The following DNAH6 variants were observed in gnomAD, a reference collection of about 807,000 sequenced individuals.
The protein encoded by DNAH6 is axonemal beta dynein heavy chain 6.
Under a neutral mutation model 491.4 loss-of-function variants are expected in DNAH6, and 340 were observed. The observed-to-expected ratio is 0.69, with a 90% CI of 0.63 to 0.76. The LOEUF (loss-of-function observed/expected upper bound fraction) is 0.76. Ranked by LOEUF, DNAH6 falls within the 30% of genes least tolerant of loss-of-function variation. The pLI, the probability that DNAH6 is intolerant of heterozygous loss-of-function variation, is 0.00. For missense variants in DNAH6, 4,443 were observed against 4,972.2 expected, an observed-to-expected ratio of 0.89 and a Z score of 3.20; for synonymous variants, 1,603 against 1,686.1, an observed-to-expected ratio of 0.95 and a Z score of 1.21.
chr2:84,469,263 T>C, the DNAH6 span, among the ~76,000 whole-genome samples: 1 of 152,156 alleles, frequency 6.6e-6, no homozygotes, highest in Non-Finnish European at 1.5e-5. This position sits in a 1 kb window ranked among gnomAD's most constrained non-coding sequence, Gnocchi z 4.0. Context: ...TGGGTTCTCT[T>C]TCCCTGAGTG....
At position 84,672,390 on chromosome 2, in the gene DNAH6, G is replaced by T; in HGVS notation, c.6518G>T (p.Arg2173Leu). The T allele has an allele frequency of 6.4e-7, 1 of 1,551,614 alleles. No individual in the cohort carries two copies. Among genetic ancestry groups the T allele is most frequent in the Non-Finnish European group, 8.7e-7 (1 of 1,146,844 alleles). The change falls in exon 40 of 77, where the codon CGC becomes CTC. Residue 2173 changes from arginine (R) to leucine (L), a missense_variant. Physicochemically the swap from Arg to Leu is moderately radical, Grantham distance 102. Around this residue, in one of 3 missense-constraint regions of DNAH6, gnomAD observed 2,977 missense variants for 3,296.6 expected, o/e 0.90. Coordinates refer to ENST00000389394, the MANE Select transcript of DNAH6 (RefSeq NM_001370.2). ...VDDLNMPRLDRYGSQPPIELL... is the reference protein window; with the variant it reads ...VDDLNMPRLDLYGSQPPIELL... ...GATTTAAACATGCCCAGACTGGATC[G>T]CTATGGCTCTCAGCCTCCGATTGAA...
At chr2:84,801,660 G>A (rs1678928692) in intron 70 of DNAH6, among the ~76,000 whole-genome samples, 1 of 152,074 alleles carries the variant, frequency 6.6e-6, no homozygotes, top group South Asian at 2.1e-4. Context: ...GAGGCAAGTG[G>A]TTCGCCTCAG....
chr2:84,570,812 G>A (rs763958796), intron 11 of DNAH6, among the ~76,000 whole-genome samples: 4 of 152,118 alleles, frequency 2.6e-5, no homozygotes, highest in Non-Finnish European at 2.9e-5. Context: ...TTGTTCTTTC[G>A]CTCTTCTCAA....
At chr2:84,722,332 A>T (rs1312968592) in intron 59 of DNAH6, among the ~76,000 whole-genome samples, 1 of 152,110 alleles carries the variant, frequency 6.6e-6, no homozygotes, top group Non-Finnish European at 1.5e-5. Context: ...TGGTGTTTGC[A>T]TTGCAGGAGT....
intron 11 of DNAH6, among the ~76,000 whole-genome samples, chr2:84,567,569 TG>T (rs1254312839): frequency 6.6e-6 from 1 of 152,162 alleles, no homozygotes; most frequent in African/African-American, 2.4e-5. Flanking sequence ...ATTTAATAAA[TG>T]GTGCTGGGAG....
chr2:84,587,921 C>A (rs2104090019), intron 15 of DNAH6, among the ~76,000 whole-genome samples: 1 of 152,302 alleles, frequency 6.6e-6, no homozygotes, highest in African/African-American at 2.4e-5. Flanking sequence ...AACTAAGGGT[C>A]TTTCCTGGTT....
chr2:84,613,920 C>T (rs1160020101), intron 22 of DNAH6, among the ~76,000 whole-genome samples: 1 of 152,018 alleles, frequency 6.6e-6, no homozygotes, highest in East Asian at 1.9e-4. Flanking sequence ...AAAATCTTAA[C>T]AGTATATTTT....
At position 84,624,637 on chromosome 2, in the gene DNAH6, T is replaced by C. The variant is rs1687690308; in HGVS notation, c.4353+17T>C. ...CCACTCACAGTAAGTTATTGATCACTTGGGTTAATATTGACACAAGAGTGC... is the reference window on the plus strand; with the variant it reads ...CCACTCACAGTAAGTTATTGATCACCTGGGTTAATATTGACACAAGAGTGC... On this transcript the variant is annotated intron_variant, in intron 28 of 76. Transcript: ENST00000389394. The C allele has an allele frequency of 6.5e-7, 1 of 1,549,488 alleles. No individual in the cohort carries two copies. Among genetic ancestry groups the C allele is most frequent in the Non-Finnish European group, 8.7e-7 (1 of 1,145,844 alleles).
At chr2:84,576,067 A>C (rs1293640836) in intron 12 of DNAH6, among the ~76,000 whole-genome samples, 2 of 152,206 alleles carry the variant, frequency 1.3e-5, no homozygotes, top group Non-Finnish European at 2.9e-5. Flanking sequence ...GGATAATTAC[A>C]TGATACCATG....
Position 84,622,530 on chromosome 2 carries a change from G to A in DNAH6, c.4071+979G>A, listed in dbSNP as rs755839597. On this transcript the variant is annotated intron_variant, in intron 26 of 76. Coordinates refer to ENST00000389394, the MANE Select transcript of DNAH6 (RefSeq NM_001370.2). ...TGGCCTCCCAAAGTGCTGGATTACAGGCGTGATAATCATGCCCAACTCACA... is the reference window on the plus strand; with the variant it reads ...TGGCCTCCCAAAGTGCTGGATTACAAGCGTGATAATCATGCCCAACTCACA... Among the ~76,000 whole-genome samples, 3 of 152,078 alleles carry A rather than the reference G, an allele frequency of 2.0e-5. No homozygotes were observed. In the South Asian group the frequency reaches 6.2e-4, roughly 32 times the overall value.
At chr2:84,605,648 T>TA in intron 20 of DNAH6, 56 bp downstream of exon 20, 1 of 1,141,734 alleles carries the variant, frequency 8.8e-7, no homozygotes, top group Non-Finnish European at 1.3e-6. Flanking sequence ...CACCTAGTCT[T>TA]AAATCTTCTG....
At chr2:84,611,633 T>G in intron 21 of DNAH6, 41 bp from the exon 22 acceptor site, 1 of 1,485,168 alleles carries the variant, frequency 6.7e-7, no homozygotes. Context: ...TGTTTTTAAT[T>G]GGGGAATTAA....
At chr2:84,541,054 A>G (rs1332069277) in intron 4 of DNAH6, among the ~76,000 whole-genome samples, 1 of 152,150 alleles carries the variant, frequency 6.6e-6, no homozygotes, top group Non-Finnish European at 1.5e-5. Flanking sequence ...TTTTCTGATT[A>G]TCTCCTCAAA....
At chr2:84,808,163 G>A (rs1040078858) in intron 71 of DNAH6, among the ~76,000 whole-genome samples, 1 of 151,458 alleles carries the variant, frequency 6.6e-6, no homozygotes, top group African/African-American at 2.4e-5. Context: ...GTGTGTGTGT[G>A]TGTGTGTATG....
At chr2:84,587,822 G>A (rs1683718267) in intron 15 of DNAH6, among the ~76,000 whole-genome samples, 1 of 152,176 alleles carries the variant, frequency 6.6e-6, no homozygotes, top group South Asian at 2.1e-4. Flanking sequence ...GGGAGGGGCA[G>A]GTCATCTGTT....
At chr2:84,710,829 T>A (rs1696969722) in intron 56 of DNAH6, among the ~76,000 whole-genome samples, 1 of 151,890 alleles carries the variant, frequency 6.6e-6, no homozygotes, top group South Asian at 2.1e-4. Flanking sequence ...ATTAAGTGAA[T>A]TAGATAAGAA....
At chr2:84,548,199 A>T in intron 7 of DNAH6, 89 bp from the exon 8 acceptor site, 1 of 1,383,932 alleles carries the variant, frequency 7.2e-7, no homozygotes, top group Non-Finnish European at 9.7e-7. Context: ...GTTGTTTTTG[A>T]ATTTTGTTTA....
chr2:84,688,151 C>T (rs1694464647), intron 44 of DNAH6, among the ~76,000 whole-genome samples: 1 of 150,998 alleles, frequency 6.6e-6, no homozygotes, highest in South Asian at 2.1e-4. Context: ...AGGAAAATCA[C>T]TTGAACCAAG....
chr2:84,577,501 T>C (rs1339106679), intron 13 of DNAH6, 93 bp downstream of exon 13: 3 of 894,850 alleles, frequency 3.4e-6, no homozygotes, highest in South Asian at 2.5e-5. Flanking sequence ...TTTTATAGTA[T>C]TGCAAATATA....
Sources: gnomAD v4.1 joint callset for allele counts (sites outside exome capture counted in the v4.1 genomes callset) on GRCh38, gnomAD v4.1.1 for gene constraint, gnomAD v4.1.1 regional missense constraint, Gnocchi (gnomAD v3.1) non-coding constraint, MANE v1.5 for transcripts, NCBI Gene and HGNC (gene_info 2026-07-23, HGNC 2026-07-21) for gene names.